SHANK2: variants seen among roughly 807,000 people sequenced by gnomAD.
SHANK2 encodes the protein SH3 and multiple ankyrin repeat domains 2, also known as SH3 and multiple ankyrin repeat domains protein 2.
SHANK2 carries 43 observed loss-of-function variants against 133.7 expected under a neutral mutation model. The observed-to-expected ratio is 0.32, with a 90% CI of 0.25 to 0.41. The LOEUF is 0.41. Among genes scored for constraint, SHANK2 ranks in the 10% least tolerant of loss-of-function variants. SHANK2 has a pLI of 1.00. For synonymous variants in SHANK2, 1,017 were observed against 952.8 expected, an observed-to-expected ratio of 1.07 and a Z score of -1.24; for missense variants, 1,994 against 2,235.8, an observed-to-expected ratio of 0.89 and a Z score of 2.18.
chr11:70,933,439 T>C (rs1176128880), intron 10 of SHANK2, among the ~76,000 whole-genome samples: 6 of 152,192 alleles, frequency 3.9e-5, no homozygotes, highest in Non-Finnish European at 5.9e-5. Flanking sequence ...CTGGTAGTCA[T>C]GGCTACACCA....
intron 1 of SHANK2, among the ~76,000 whole-genome samples, chr11:71,241,450 G>A (rs955286668): frequency 6.6e-6 from 1 of 152,064 alleles, no homozygotes; most frequent in African/African-American, 2.4e-5. Context: ...AAACAAACAC[G>A]TACCTTCGCC....
rs573136338 is a variant in SHANK2, at chr11:70,484,162, G to A, written c.4979+1152C>T. Among the ~76,000 whole-genome samples, 9 of 152,306 alleles carry A rather than the reference G, an allele frequency of 5.9e-5. No homozygotes were observed. The South Asian group carries it at 1.0e-3, about 18-fold the overall frequency. On this transcript the variant is annotated intron_variant, in intron 25 of 25. Coordinates refer to ENST00000601538, the MANE Select transcript of SHANK2 (RefSeq NM_012309.5). ...AGAACCAAGAACCATAAGCCATCAC[G>A]GGAGCCAATGGGGCTCCCCAAAGCC... is the stretch of plus-strand genomic sequence containing the variant.
At chr11:70,719,248 C>T (rs1555028332) in intron 14 of SHANK2, among the ~76,000 whole-genome samples, 1 of 152,228 alleles carries the variant, frequency 6.6e-6, no homozygotes, top group African/African-American at 2.4e-5. Context: ...CACTTTGTAA[C>T]AGTTCAAAGA....
At position 70,600,434 on chromosome 11, in the gene SHANK2, A is replaced by G. The variant is rs553505071; in HGVS notation, c.2061+59394T>C. On this transcript the variant is annotated intron_variant, in intron 17 of 25. Transcript: ENST00000601538. ...ACTCTGTCTCAAAAAAAAAAAAAAA[A>G]AAAGAAAAGAAAAAGAAAAAGAAAA... Among the ~76,000 whole-genome samples, 182 of 149,600 alleles carry G rather than the reference A, an allele frequency of 1.2e-3. 2 individuals are homozygous for G. The highest frequency in any genetic ancestry group is 2.0e-3 in the Non-Finnish European group (132 of 67,622).
intron 11 of SHANK2, among the ~76,000 whole-genome samples, chr11:70,872,584 G>A (rs1555070400): frequency 1.3e-5 from 2 of 151,798 alleles, no homozygotes; most frequent in Non-Finnish European, 2.9e-5. Context: ...GGGAATAGGG[G>A]GCCCCCATAC....
At chr11:71,090,840 A>G (rs1305890297) in intron 8 of SHANK2, among the ~76,000 whole-genome samples, 1 of 152,158 alleles carries the variant, frequency 6.6e-6, no homozygotes, top group African/African-American at 2.4e-5. Flanking sequence ...GGCAGTGTTC[A>G]GCGGGAATCT....
chr11:70,741,870 C>A (rs1555034845), intron 14 of SHANK2, among the ~76,000 whole-genome samples: 1 of 152,202 alleles, frequency 6.6e-6, no homozygotes, highest in Non-Finnish European at 1.5e-5. Context: ...AACTCTAGAT[C>A]CAGGATTCCT....
intron 1 of SHANK2, among the ~76,000 whole-genome samples, chr11:71,250,050 C>T (rs537166296): frequency 1.3e-4 from 20 of 152,252 alleles, no homozygotes; most frequent in African/African-American, 4.8e-4. Context: ...AATAGGAATA[C>T]GGTTTTCTAT....
chr11:70,504,331 T>C (rs1172077233), intron 17 of SHANK2, among the ~76,000 whole-genome samples: 1 of 150,474 alleles, frequency 6.6e-6, no homozygotes, highest in Non-Finnish European at 1.5e-5. Context: ...TGGCTCACCA[T>C]ACTGTTGACA....
chr11:70,718,907 C>T (rs1394153667), intron 14 of SHANK2, among the ~76,000 whole-genome samples: 1 of 152,116 alleles, frequency 6.6e-6, no homozygotes, highest in Non-Finnish European at 1.5e-5. Context: ...CGGTCACTGG[C>T]GCTATGAGCT....
chr11:71,207,926 C>T (rs1954161315), intron 2 of SHANK2, among the ~76,000 whole-genome samples: 1 of 152,018 alleles, frequency 6.6e-6, no homozygotes, highest in Admixed American at 6.6e-5. Flanking sequence ...CTGCCTGCTT[C>T]CCAGGCAGGC....
chr11:71,062,505 T>G (rs1400779066), intron 9 of SHANK2, among the ~76,000 whole-genome samples: 1 of 152,028 alleles, frequency 6.6e-6, no homozygotes, highest in South Asian at 2.1e-4. Flanking sequence ...CTGGGGGTCT[T>G]GCTCACCCAT....
At chr11:70,519,538 T>A (rs1179918865) in intron 17 of SHANK2, among the ~76,000 whole-genome samples, 1 of 151,940 alleles carries the variant, frequency 6.6e-6, no homozygotes, top group African/African-American at 2.4e-5. Flanking sequence ...ACCCAGCTAC[T>A]CGGGAGGCTG....
At chr11:70,713,293 C>T (rs907883638) in intron 14 of SHANK2, among the ~76,000 whole-genome samples, 2 of 152,360 alleles carry the variant, frequency 1.3e-5, no homozygotes, top group East Asian at 3.9e-4. Context: ...GCTCCTGGCA[C>T]AGTTGGTTTT....
intron 2 of SHANK2, among the ~76,000 whole-genome samples, chr11:71,160,495 A>G (rs1297947498): frequency 2.0e-5 from 3 of 152,192 alleles, no homozygotes; most frequent in Non-Finnish European, 4.4e-5. Context: ...GTGGTCATGC[A>G]TTCCCATCTC....
chr11:71,199,365 C>G (rs1953974317), intron 2 of SHANK2, among the ~76,000 whole-genome samples: 1 of 152,210 alleles, frequency 6.6e-6, no homozygotes, highest in Non-Finnish European at 1.5e-5. Context: ...CTGTAGGCAG[C>G]CAGGGTTTGC....
chr11:70,933,103 G>A (rs1055455543), intron 10 of SHANK2: 89 of 456,414 alleles, frequency 1.9e-4, no homozygotes, highest in Admixed American at 1.9e-4. Context: ...GCCAGAAGGC[G>A]GGAGCAGCTC....
At chr11:71,059,683 G>C (rs1950963746) in intron 9 of SHANK2, among the ~76,000 whole-genome samples, 1 of 152,184 alleles carries the variant, frequency 6.6e-6, no homozygotes, top group African/African-American at 2.4e-5. Context: ...TTATTAATGA[G>C]GGAACCACAC....
intron 2 of SHANK2, among the ~76,000 whole-genome samples, chr11:71,216,740 C>T (rs1591029473): frequency 1.3e-5 from 2 of 152,266 alleles, no homozygotes; most frequent in African/African-American, 4.8e-5. Flanking sequence ...ATTCCTCACG[C>T]GTCTGTGATG....
Sources: allele counts gnomAD v4.1 joint callset (sites outside exome capture counted in the v4.1 genomes callset), GRCh38; gene constraint gnomAD v4.1.1; transcripts MANE v1.5; gene names NCBI Gene and HGNC (gene_info 2026-07-23, HGNC 2026-07-21).